Variants in ZFHX3 observed in about 807,000 individuals in gnomAD.
The protein encoded by ZFHX3 is zinc finger homeobox protein 3.
In ZFHX3, 42 loss-of-function variants were observed where a neutral mutation model predicts 279.1. The observed-to-expected ratio is 0.15, with a 90% CI of 0.12 to 0.19. The LOEUF (loss-of-function observed/expected upper bound fraction) is 0.19. ZFHX3 is among the 10% of genes least tolerant of loss of function. ZFHX3 has a pLI of 1.00. For synonymous variants in ZFHX3, 2,293 were observed against 1,957.8 expected, an observed-to-expected ratio of 1.17 and a Z score of -4.52; for missense variants, 4,981 against 4,754.0, an observed-to-expected ratio of 1.05 and a Z score of -1.40.
At chr16:73,844,622 G>A (rs902021984) in intron 1 of ZFHX3, among the ~76,000 whole-genome samples, 6 of 151,904 alleles carry the variant, frequency 3.9e-5, no homozygotes, top group African/African-American at 1.5e-4. Context: ...TGGGGGGATG[G>A]GAAGATGGGT....
At chr16:73,140,732 T>C (rs1966845666) in intron 6 of ZFHX3, among the ~76,000 whole-genome samples, 1 of 152,166 alleles carries the variant, frequency 6.6e-6, no homozygotes, top group African/African-American at 2.4e-5. Context: ...CAAGTGCCTA[T>C]AGTCCCAGCT....
In ZFHX3 at chr16:73,309,929, G is replaced by A. The variant is rs557653449; in HGVS notation, c.-1194+8311C>T. Among the ~76,000 whole-genome samples the A allele has an allele frequency of 6.1e-5, 3 of 49,510 alleles. No individual in the cohort carries two copies. The East Asian group carries it at 1.0e-3, about 17-fold the overall frequency. The allele number at this position is 49,510 out of a possible 152,430, so 32.5% of individuals were successfully genotyped here. A position where few individuals can be genotyped will look rare whatever the true frequency, so the allele number is the denominator to read the frequency against. ...GCCTTTTTTTTTTTTTTTTTTTTGA[G>A]ATGGAGTCTCACTCTGTAACCCAGG... is the stretch of plus-strand genomic sequence containing the variant. On this transcript the variant is annotated intron_variant, in intron 4 of 17. Transcript: ENST00000641206.
In ZFHX3 at chr16:72,788,063, G is replaced by C. The variant is rs140577707; in HGVS notation, c.10213C>G (p.Pro3405Ala). ...TCTTTGTCTGGGGAAGGAGCCCCGG[G>C]GGGGACTGGGGTTTGGCTTGCTTTG... ...QPKASQTPVPPGAPSPDKDPA... is the reference protein window; with the variant it reads ...QPKASQTPVPAGAPSPDKDPA... Residue 3405 changes from proline to alanine, a missense_variant, in exon 10 of 10, where the codon CCC becomes GCC. Transcript: ENST00000268489. The C allele has an allele frequency of 1.1e-4, 181 of 1,611,934 alleles. No homozygotes were observed. The Middle Eastern group carries it at 2.3e-3, about 21-fold the overall frequency.
At chr16:73,664,493 C>A (rs1356270915) in intron 2 of ZFHX3, among the ~76,000 whole-genome samples, 1 of 152,036 alleles carries the variant, frequency 6.6e-6, no homozygotes, top group Non-Finnish European at 1.5e-5. Flanking sequence ...AATGCTAGTC[C>A]CTGATTCAGT....
At chr16:72,964,023 C>G (rs1961709978) in intron 1 of ZFHX3, among the ~76,000 whole-genome samples, 1 of 152,186 alleles carries the variant, frequency 6.6e-6, no homozygotes, top group Non-Finnish European at 1.5e-5. Context: ...AAGAATATCC[C>G]ATGCGGGATC....
At chr16:73,439,992 G>A (rs756505714) in intron 3 of ZFHX3, among the ~76,000 whole-genome samples, 128 of 150,904 alleles carry the variant, frequency 8.5e-4, no homozygotes, top group Non-Finnish European at 1.5e-3. Context: ...GTGTAGGCAC[G>A]GGGTTGAGAT....
chr16:73,096,836 C>T (rs1966170477), intron 7 of ZFHX3, among the ~76,000 whole-genome samples: 1 of 152,042 alleles, frequency 6.6e-6, no homozygotes, highest in Non-Finnish European at 1.5e-5. Flanking sequence ...GCCTTTAGAA[C>T]CTCATTTCAT....
chr16:73,217,286 C>G (rs911713513), intron 5 of ZFHX3, among the ~76,000 whole-genome samples: 1 of 152,152 alleles, frequency 6.6e-6, no homozygotes, highest in African/African-American at 2.4e-5. Context: ...GCTGCTGCAG[C>G]CTTCGTATGC....
At chr16:72,956,337 T>C (rs1009711468) in intron 2 of ZFHX3, among the ~76,000 whole-genome samples, 1 of 152,180 alleles carries the variant, frequency 6.6e-6, no homozygotes, top group African/African-American at 2.4e-5. Flanking sequence ...ATTCAGGCCA[T>C]TGTCACTGGT....
intron 4 of ZFHX3, among the ~76,000 whole-genome samples, chr16:73,268,413 C>A (rs987093587): frequency 3.9e-5 from 6 of 152,148 alleles, no homozygotes; most frequent in Non-Finnish European, 5.9e-5. Flanking sequence ...AGTTACCCAG[C>A]GAGAGTCACG....
chr16:73,191,261 G>A (rs1968025264), intron 5 of ZFHX3, among the ~76,000 whole-genome samples: 1 of 152,196 alleles, frequency 6.6e-6, no homozygotes, highest in Non-Finnish European at 1.5e-5. Context: ...CTGGGAGGAA[G>A]TCTTGGCTCT....
intron 1 of ZFHX3, among the ~76,000 whole-genome samples, chr16:73,716,855 T>C (rs1051086032): frequency 1.3e-5 from 2 of 152,002 alleles, no homozygotes; most frequent in Admixed American, 6.6e-5. Flanking sequence ...GCCGGCTCGC[T>C]CTCTGCATCA....
intron 1 of ZFHX3, among the ~76,000 whole-genome samples, chr16:73,851,501 T>C (rs1229711622): frequency 6.6e-6 from 1 of 152,214 alleles, no homozygotes; most frequent in African/African-American, 2.4e-5. Flanking sequence ...GTCTCTGTTT[T>C]CTCATTTGCT....
At chr16:73,878,946 T>G (rs1005436913) in intron 1 of ZFHX3, among the ~76,000 whole-genome samples, 1 of 107,088 alleles carries the variant, frequency 9.3e-6, no homozygotes, top group Non-Finnish European at 2.0e-5. Flanking sequence ...ATAAGATATA[T>G]ATATATATAT....
intron 1 of ZFHX3, among the ~76,000 whole-genome samples, chr16:73,701,175 G>C (rs536982698): frequency 6.6e-6 from 1 of 152,024 alleles, no homozygotes; most frequent in Non-Finnish European, 1.5e-5. Flanking sequence ...CATAAGCCTC[G>C]ACAATAAATA....
exon 1 of ZFHX3, chr16:73,058,869 G>A (rs1288231690): frequency 3.2e-5 from 5 of 156,976 alleles, no homozygotes; most frequent in South Asian, 1.7e-4. Flanking sequence ...CGGAAGAGAA[G>A]CGGCGGCGGC....
At chr16:73,219,969 C>G (rs1228265134) in intron 5 of ZFHX3, among the ~76,000 whole-genome samples, 1 of 152,104 alleles carries the variant, frequency 6.6e-6, no homozygotes, top group African/African-American at 2.4e-5. Flanking sequence ...GCCTGTAATC[C>G]TGGCTACTCG....
At position 72,962,621 on chromosome 16, in the gene ZFHX3, T is replaced by C. The variant is rs551161105; in HGVS notation, c.-49-2427A>G. Among the ~76,000 whole-genome samples, 98 of 152,340 alleles carry C rather than the reference T, an allele frequency of 6.4e-4. 1 individual carries two copies. In the Middle Eastern group the frequency reaches 0.01, roughly 16 times the overall value. ...AGCCTTGCCAAACAAGCGTGGTTTG[T>C]GGACTTGAAGCATTATCCTCTCCGG... On this transcript the variant is annotated intron_variant, in intron 1 of 9. Coordinates refer to ENST00000268489, the MANE Select transcript of ZFHX3 (RefSeq NM_006885.4).
At chr16:73,257,542 A>T (rs1028880315) in intron 4 of ZFHX3, among the ~76,000 whole-genome samples, 1 of 152,258 alleles carries the variant, frequency 6.6e-6, no homozygotes, top group Non-Finnish European at 1.5e-5. Context: ...GGGAAGTCAG[A>T]GAAGGCAAGC....
Sources: gnomAD v4.1 joint callset for allele counts (sites outside exome capture counted in the v4.1 genomes callset) on GRCh38, gnomAD v4.1.1 for gene constraint, MANE v1.5 for transcripts, NCBI Gene and HGNC (gene_info 2026-07-23, HGNC 2026-07-21) for gene names.